Variants in KHDRBS2 observed in about 807,000 individuals in gnomAD.
KHDRBS2 encodes KH domain-containing, RNA-binding, signal transduction-associated protein 2.
Under a neutral mutation model 44.3 loss-of-function variants are expected in KHDRBS2, and 26 were observed. That is an observed-to-expected ratio of 0.59 (90% CI 0.43 to 0.81). KHDRBS2 has a LOEUF of 0.81. Among genes scored for constraint, KHDRBS2 ranks in the 40% least tolerant of loss-of-function variants. The pLI, the probability that KHDRBS2 is intolerant of heterozygous loss-of-function variation, is 0.00. For synonymous variants in KHDRBS2, 194 were observed against 151.1 expected (o/e 1.28, Z -2.08); for missense variants, 476 against 433.1 (o/e 1.10, Z -0.88).
chr6:61,555,368 T>A, the KHDRBS2 span, among the ~76,000 whole-genome samples: 101 of 152,334 alleles, frequency 6.6e-4, no homozygotes, highest in African/African-American at 2.3e-3. Context: ...TTCAGTTTGT[T>A]TTTTTCTGAA....
intron 3 of KHDRBS2, among the ~76,000 whole-genome samples, chr6:62,035,483 A>C (rs1417726077): frequency 6.6e-6 from 1 of 152,036 alleles, no homozygotes; most frequent in Non-Finnish European, 1.5e-5. Context: ...AATGATGGTC[A>C]TCAGAAGCTG....
intron 2 of KHDRBS2, among the ~76,000 whole-genome samples, chr6:62,081,861 T>C (rs1308736099): frequency 6.6e-6 from 1 of 152,010 alleles, no homozygotes; most frequent in African/African-American, 2.4e-5. Flanking sequence ...AAATTATATA[T>C]AATATTATAT....
intron 2 of KHDRBS2, among the ~76,000 whole-genome samples, chr6:62,166,281 C>T (rs186483648): frequency 6.6e-6 from 1 of 152,082 alleles, no homozygotes; most frequent in East Asian, 1.9e-4. Flanking sequence ...CCTCTATGAA[C>T]AAACACTAAT....
At chr6:61,950,591 A>G (rs1292943796) in intron 4 of KHDRBS2, among the ~76,000 whole-genome samples, 1 of 151,890 alleles carries the variant, frequency 6.6e-6, no homozygotes, top group Non-Finnish European at 1.5e-5. Flanking sequence ...ATCTTGATGG[A>G]TTTATTTCAA....
Position 62,069,616 on chromosome 6 carries a change from A to C in KHDRBS2, c.220-21622T>G, listed in dbSNP as rs561201082. Among the ~76,000 whole-genome samples the C allele has an allele frequency of 5.9e-5, 9 of 151,902 alleles. No homozygotes were observed. The South Asian group carries it at 1.9e-3, about 31-fold the overall frequency. On this transcript the variant is annotated intron_variant, in intron 2 of 8. Transcript: ENST00000281156. ...CTGTGAGAGATCACTTTCCACTGGA[A>C]TATGCAATTTAGTTGAGAGACATAT...
intron 4 of KHDRBS2, among the ~76,000 whole-genome samples, chr6:61,955,195 T>A (rs539019645): frequency 6.9e-6 from 1 of 145,404 alleles, no homozygotes; most frequent in East Asian, 2.1e-4. Context: ...CGTTTGTATG[T>A]ATACATATAT....
chr6:61,932,350 G>T (rs140179239), intron 4 of KHDRBS2, among the ~76,000 whole-genome samples: 228 of 152,132 alleles, frequency 1.5e-3, no homozygotes, highest in Non-Finnish European at 2.9e-3. Context: ...GTCACCTGGC[G>T]GTACAACACA....
intron 6 of KHDRBS2, among the ~76,000 whole-genome samples, chr6:61,872,622 A>G (rs1017893335): frequency 1.3e-5 from 2 of 152,162 alleles, no homozygotes; most frequent in African/African-American, 4.8e-5. Context: ...CTAAGTAAAT[A>G]GAGATATAGG....
the KHDRBS2 span, among the ~76,000 whole-genome samples, chr6:61,626,572 T>C: frequency 3.9e-5 from 6 of 152,208 alleles, no homozygotes; most frequent in African/African-American, 1.4e-4. Context: ...GAAATCACTC[T>C]TTTTTTAGAG....
At chr6:62,062,659 G>A (rs1792285200) in intron 2 of KHDRBS2, among the ~76,000 whole-genome samples, 1 of 148,600 alleles carries the variant, frequency 6.7e-6, no homozygotes, top group African/African-American at 2.5e-5. Flanking sequence ...AGCACTAAAT[G>A]CCCACAAGAG....
At chr6:61,869,964 GTTTTTTTTTTT>G (rs59518436) in intron 6 of KHDRBS2, among the ~76,000 whole-genome samples, 1 of 108,980 alleles carries the variant, frequency 9.2e-6, no homozygotes, top group Admixed American at 1.0e-4. Context: ...CTGCAGGAGT[GTTTTTTTTTTT>G]TTTTTTTTTT....
At chr6:61,745,055 G>A (rs931079998) in intron 6 of KHDRBS2, among the ~76,000 whole-genome samples, 7 of 152,132 alleles carry the variant, frequency 4.6e-5, no homozygotes, top group African/African-American at 1.7e-4. Flanking sequence ...CCAAGTAGGT[G>A]ACTCTTAATC....
intron 2 of KHDRBS2, among the ~76,000 whole-genome samples, chr6:62,080,487 C>T (rs756485441): frequency 2.6e-5 from 4 of 152,096 alleles, no homozygotes; most frequent in Admixed American, 6.6e-5. Context: ...ACTTCATAAA[C>T]GCATAAATGA....
chr6:61,605,765 A>G, the KHDRBS2 span, among the ~76,000 whole-genome samples: 3 of 151,868 alleles, frequency 2.0e-5, no homozygotes, highest in African/African-American at 7.3e-5. Context: ...AATTTTCACC[A>G]CCCCAACACT....
At chr6:61,721,685 A>G (rs1772581105) in intron 7 of KHDRBS2, among the ~76,000 whole-genome samples, 1 of 122,626 alleles carries the variant, frequency 8.2e-6, no homozygotes, top group Non-Finnish European at 1.9e-5. Context: ...TTGGGCTGAG[A>G]CGATGGGGTT....
intron 4 of KHDRBS2, among the ~76,000 whole-genome samples, chr6:61,936,007 T>C (rs992053220): frequency 6.6e-5 from 10 of 152,080 alleles, no homozygotes; most frequent in Non-Finnish European, 1.5e-4. Flanking sequence ...AATTCATGAT[T>C]TTAAATTTTA....
intron 4 of KHDRBS2, among the ~76,000 whole-genome samples, chr6:61,941,502 G>A (rs1812122243): frequency 6.6e-6 from 1 of 152,058 alleles, no homozygotes; most frequent in Non-Finnish European, 1.5e-5. Context: ...ATACTACCCT[G>A]CAGCCCAAAG....
At chr6:62,095,727 T>C (rs9354625) in intron 2 of KHDRBS2, among the ~76,000 whole-genome samples, 76,783 of 151,574 alleles carry the variant, frequency 0.51, 19,865 homozygotes, top group Non-Finnish European at 0.55. Context: ...CTTGCCTGAC[T>C]GCTCTGGCTA....
chr6:61,624,264 G>A, the KHDRBS2 span, among the ~76,000 whole-genome samples: 1 of 152,138 alleles, frequency 6.6e-6, no homozygotes, highest in East Asian at 1.9e-4. Flanking sequence ...GAACAGCCTA[G>A]CCACAGTGGC....
Sources: gnomAD v4.1 joint callset for allele counts (sites outside exome capture counted in the v4.1 genomes callset) on GRCh38, gnomAD v4.1.1 for gene constraint, MANE v1.5 for transcripts, NCBI Gene and HGNC (gene_info 2026-07-23, HGNC 2026-07-21) for gene names.